Variants in SLC16A7 observed in about 807,000 individuals in gnomAD.
The protein encoded by SLC16A7 is solute carrier family 16 member 7.
In SLC16A7, 33 loss-of-function variants were observed where a neutral mutation model predicts 34.9. The ratio of observed to expected loss-of-function variants is 0.94; its 90% CI spans 0.72 to 1.26. The LOEUF is 1.26. Ranked by LOEUF, SLC16A7 falls within the 50% of genes most tolerant of loss-of-function variation. The pLI is 0.00. For synonymous variants in SLC16A7, 201 were observed against 206.6 expected (o/e 0.97, Z 0.23); for missense variants, 573 against 578.1 (o/e 0.99, Z 0.09).
intron 2 of SLC16A7, among the ~76,000 whole-genome samples, chr12:59,668,535 C>T (rs1024737310): frequency 5.3e-5 from 8 of 152,234 alleles, no homozygotes; most frequent in African/African-American, 1.7e-4. Context: ...GGCATATTTA[C>T]CCAATTTCTG....
In SLC16A7 at chr12:59,766,665, A is replaced by C. The variant is rs148277104; in HGVS notation, c.218-4554A>C. ...TTTTTGTATGTTGAACCAGCCTTGCATCCCAGGCATGAAGCCCACTTGATC... is the reference window on the plus strand; with the variant it reads ...TTTTTGTATGTTGAACCAGCCTTGCCTCCCAGGCATGAAGCCCACTTGATC... On this transcript the variant is annotated intron_variant, in intron 3 of 5. Transcript: ENST00000547379. 5.2e-3 allele frequency among the ~76,000 whole-genome samples: 797 copies of C among 152,302 alleles called. 8 individuals are homozygous for C. Among genetic ancestry groups the C allele is most frequent in the African/African-American group, 0.015 (619 of 41,566 alleles).
At chr12:59,699,823 A>T (rs1042582467) in intron 2 of SLC16A7, among the ~76,000 whole-genome samples, 1 of 151,802 alleles carries the variant, frequency 6.6e-6, no homozygotes, top group Non-Finnish European at 1.5e-5. Flanking sequence ...TTGTTATGCA[A>T]CACTTACATT....
chr12:59,733,334 G>A (rs997482439), intron 3 of SLC16A7, among the ~76,000 whole-genome samples: 7 of 152,198 alleles, frequency 4.6e-5, no homozygotes, highest in African/African-American at 1.4e-4. Flanking sequence ...GAGCACTGGG[G>A]TCTGGCCACT....
At position 59,708,385 on chromosome 12, in the gene SLC16A7, A is replaced by T. The variant is rs549366982; in HGVS notation, c.217+3367A>T. 4.9e-4 allele frequency among the ~76,000 whole-genome samples: 74 copies of T among 152,264 alleles called. 6 individuals are homozygous for T. The highest frequency in any genetic ancestry group is 1.7e-3 in the African/African-American group (69 of 41,554). ...GCATCTCTGAAAACAACTTCACTTT[A>T]TATACAACACAGGGGTTCACTGTTG... On this transcript the variant is annotated intron_variant, in intron 3 of 5. Transcript: ENST00000547379.
intron 1 of SLC16A7, among the ~76,000 whole-genome samples, chr12:59,608,741 TTTTA>T (rs1879057076): frequency 6.6e-6 from 1 of 152,232 alleles, no homozygotes; most frequent in South Asian, 2.1e-4. Context: ...AAATGTGTAT[TTTTA>T]TTTGTTTTCA....
chr12:59,739,696 C>T (rs1187942431), intron 3 of SLC16A7, among the ~76,000 whole-genome samples: 3 of 152,046 alleles, frequency 2.0e-5, no homozygotes, highest in African/African-American at 7.3e-5. Context: ...CACATCCTCT[C>T]CAGCACCTGT....
chr12:59,739,701 A>G (rs1001221365), intron 3 of SLC16A7, among the ~76,000 whole-genome samples: 11 of 151,986 alleles, frequency 7.2e-5, no homozygotes, highest in Admixed American at 5.9e-4. Context: ...CCTCTCCAGC[A>G]CCTGTTGTTT....
rs1012169571 is a variant in SLC16A7 at position 59,596,731 on chromosome 12, T to C, written c.-130+495T>C. Among the ~76,000 whole-genome samples, 2 of 149,208 alleles carry C rather than the reference T, an allele frequency of 1.3e-5. No homozygotes were observed. The highest frequency in any genetic ancestry group is 2.2e-4 in the South Asian group (1 of 4,638). ...TTGCCGCAGAAGGTGGAGGCGGGGG[T>C]GGAGTGTGTGGAGAGAACGTCTTCT... On this transcript the variant is annotated intron_variant, in intron 1 of 5. Coordinates refer to ENST00000547379, the MANE Select transcript of SLC16A7 (RefSeq NM_001270623.2). This position sits in a 1 kb window ranked among gnomAD's most constrained non-coding sequence, Gnocchi z 5.0.
At chr12:59,761,565 A>G (rs931774784) in intron 3 of SLC16A7, among the ~76,000 whole-genome samples, 2 of 152,144 alleles carry the variant, frequency 1.3e-5, no homozygotes, top group African/African-American at 4.8e-5. Context: ...ACTAATCACA[A>G]TGATACCAAA....
In SLC16A7 at chr12:59,602,761, A is replaced by C. The variant is rs142126744; in HGVS notation, c.-130+6525A>C. Among the ~76,000 whole-genome samples the C allele has an allele frequency of 5.0e-3, 754 of 152,252 alleles. 22 individuals carry two copies. In the South Asian group the frequency reaches 0.062, roughly 12 times the overall value. On this transcript the variant is annotated intron_variant, in intron 1 of 5. Coordinates refer to ENST00000547379, the MANE Select transcript of SLC16A7 (RefSeq NM_001270623.2). ...TGGCCCCCAAAAGTGCTGGAATTAC[A>C]GACATGAGCCACTGAGCCTGGCCAG...
At chr12:59,715,896 G>C (rs1752386784) in intron 3 of SLC16A7, among the ~76,000 whole-genome samples, 1 of 152,064 alleles carries the variant, frequency 6.6e-6, no homozygotes, top group Non-Finnish European at 1.5e-5. Context: ...ATAAGAATTG[G>C]ATAAGCCTGC....
At chr12:59,766,182 T>C (rs1041910212) in intron 3 of SLC16A7, among the ~76,000 whole-genome samples, 2 of 152,210 alleles carry the variant, frequency 1.3e-5, no homozygotes, top group African/African-American at 4.8e-5. Flanking sequence ...ATTGATTTTG[T>C]ATCCTGAGAC....
Position 59,669,124 on chromosome 12 carries a change from A to T in SLC16A7, c.-31+13874A>T, listed in dbSNP as rs185716280. On this transcript the variant is annotated intron_variant, in intron 2 of 5. Transcript: ENST00000547379. ...GAGTATTACCAGTTCTCATTTAGAT[A>T]CACACCAAAGCCATGCTGACAGGTT... is the stretch of plus-strand genomic sequence containing the variant. 2.0e-5 allele frequency among the ~76,000 whole-genome samples: 3 copies of T among 152,330 alleles called. No individual in the cohort carries two copies. The East Asian group carries it at 5.8e-4, about 29-fold the overall frequency.
Position 59,782,497 on chromosome 12 carries a change from A to G in SLC16A7, c.*2818A>G, listed in dbSNP as rs1367906859. 1 of 152,212 alleles carries G rather than the reference A, an allele frequency of 6.6e-6. No homozygotes were observed. The highest frequency in any genetic ancestry group is 2.4e-5 in the African/African-American group (1 of 41,460). 9.4% of individuals were successfully genotyped at this position (152,212 alleles called of 1,614,324 possible). A position where few individuals can be genotyped will look rare whatever the true frequency, so the allele number is the denominator to read the frequency against. On this transcript the variant is annotated 3_prime_UTR_variant, in exon 6 of 6. Coordinates refer to ENST00000547379, the MANE Select transcript of SLC16A7 (RefSeq NM_001270623.2). ...CTCTAGGGAATAATAGGTTTTAAAC[A>G]TTTGAGATATCATGAAGCAAAGTCA...
intron 1 of SLC16A7, among the ~76,000 whole-genome samples, chr12:59,646,081 A>G (rs953270308): frequency 6.6e-6 from 1 of 152,180 alleles, no homozygotes; most frequent in African/African-American, 2.4e-5. Context: ...CAGCCTAACA[A>G]TACGATAGAA....
In SLC16A7 at chr12:59,736,535, G is replaced by C. The variant is rs184104385; in HGVS notation, c.217+31517G>C. ...TGGATTGGTTCAGGAGGCTACACTT[G>C]GTGACTTTCCCCACTATCAGCTGCT... On this transcript the variant is annotated intron_variant, in intron 3 of 5. Coordinates refer to ENST00000547379, the MANE Select transcript of SLC16A7 (RefSeq NM_001270623.2). 3.5e-4 allele frequency among the ~76,000 whole-genome samples: 54 copies of C among 152,184 alleles called. 1 individual carries two copies. The East Asian group carries it at 9.7e-3, about 27-fold the overall frequency.
chr12:59,730,251 C>T (rs1876784067), intron 3 of SLC16A7, among the ~76,000 whole-genome samples: 1 of 151,564 alleles, frequency 6.6e-6, no homozygotes, highest in Admixed American at 6.6e-5. Flanking sequence ...TTAGGCACCT[C>T]TCCGTTAGCA....
chr12:59,605,429 G>C (rs1203620254), intron 1 of SLC16A7, among the ~76,000 whole-genome samples: 4 of 152,322 alleles, frequency 2.6e-5, no homozygotes, highest in Non-Finnish European at 5.9e-5. Context: ...GCCCTGTGCT[G>C]TGGGTATCAG....
At chr12:59,711,386 A>G (rs2137164789) in intron 3 of SLC16A7, among the ~76,000 whole-genome samples, 1 of 152,356 alleles carries the variant, frequency 6.6e-6, no homozygotes, top group East Asian at 1.9e-4. Flanking sequence ...TAGATACTTT[A>G]TAGCTAGCTA....
Sources: allele counts gnomAD v4.1 joint callset (sites outside exome capture counted in the v4.1 genomes callset), GRCh38; gene constraint gnomAD v4.1.1; non-coding constraint Gnocchi (gnomAD v3.1); transcripts MANE v1.5; gene names NCBI Gene and HGNC (gene_info 2026-07-23, HGNC 2026-07-21).